The following NANP variants were observed in gnomAD, a reference collection of about 807,000 sequenced individuals.
The protein encoded by NANP is N-acylneuraminate-9-phosphatase.
NANP carries 15 observed loss-of-function variants against 16.9 expected under a neutral mutation model. The observed-to-expected ratio is 0.89, with a 90% confidence interval of 0.59 to 1.37. The LOEUF is 1.37. NANP is among the 40% of genes most tolerant of loss of function. NANP has a pLI of 0.00. For synonymous variants in NANP, 135 were observed against 112.6 expected, an observed-to-expected ratio of 1.20 and a Z score of -1.26; for missense variants, 290 against 303.5, an observed-to-expected ratio of 0.96 and a Z score of 0.33.
At chr20:25,619,900 G>T (rs1237476054) in intron 1 of NANP, among the ~76,000 whole-genome samples, 2 of 152,034 alleles carry the variant, frequency 1.3e-5, no homozygotes, top group East Asian at 3.9e-4. Flanking sequence ...ACATTCTTGG[G>T]GCTCTGAAAA....
At chr20:25,620,857 G>C (rs1195941566) in intron 1 of NANP, among the ~76,000 whole-genome samples, 1 of 151,990 alleles carries the variant, frequency 6.6e-6, no homozygotes, top group African/African-American at 2.4e-5. Flanking sequence ...AGGTAGCCAG[G>C]AGGAGGTTGC....
At chr20:25,623,779 G>A (rs2065378254) in intron 1 of NANP, 80 bp downstream of exon 1, 1 of 1,336,466 alleles carries the variant, frequency 7.5e-7, no homozygotes, top group South Asian at 1.3e-5. Flanking sequence ...GTGGAAGTGG[G>A]GTCAAGGGGA....
At chr20:25,623,404 T>C (rs553528113) in intron 1 of NANP, among the ~76,000 whole-genome samples, 1 of 152,162 alleles carries the variant, frequency 6.6e-6, no homozygotes, top group Non-Finnish European at 1.5e-5. Context: ...CCTTCTTGGG[T>C]CAACACTGGG....
In NANP at chr20:25,621,962, CAT is replaced by C. The variant is rs369723435; in HGVS notation, c.90+1895_90+1896del. 4.1e-3 allele frequency among the ~76,000 whole-genome samples: 617 copies of C among 152,312 alleles called. 5 individuals carry two copies. Among genetic ancestry groups the C allele is most frequent in the African/African-American group, 0.014 (595 of 41,560 alleles). On this transcript the variant is annotated intron_variant, in intron 1 of 1. Transcript: ENST00000304788. ...CATCCAGCATTTATTCAACATTTGCCATGTGTCAAACGAGGATAATTAAGACA... is the reference window on the plus strand; with the variant it reads ...CATCCAGCATTTATTCAACATTTGCCGTGTCAAACGAGGATAATTAAGACA...
chr20:25,616,424 G>C lies in NANP; in HGVS notation c.248C>G (p.Thr83Arg), dbSNP rs1260279172. ...TSHWEEAIQE[T>R]KGGAANRKLA... is the part of the protein sequence containing the mutation. ...TTTTCTATTGGCTGCACCACCTTTT[G>C]TTTCCTGGATTGCTTCTTCCCAATG... Residue 83 changes from threonine to arginine, a missense_variant, in exon 2 of 2, where the codon ACA (threonine) becomes AGA (arginine). Transcript: ENST00000304788. 6.2e-7 allele frequency: 1 copy of C among 1,613,974 alleles called. No homozygotes were observed. The highest frequency in any genetic ancestry group is 8.5e-7 in the Non-Finnish European group (1 of 1,180,020).
intron 1 of NANP, among the ~76,000 whole-genome samples, chr20:25,623,501 C>G (rs959020681): frequency 6.6e-6 from 1 of 152,236 alleles, no homozygotes; most frequent in African/African-American, 2.4e-5. Context: ...GACAGTCTGA[C>G]CGGGGGCGGG....
At position 25,621,541 on chromosome 20, in the gene NANP, C is replaced by T. The variant is rs371193345; in HGVS notation, c.90+2318G>A. ...GCCATAAATGGCTGGACCTTTCCCT[C>T]TTCCTCCATTCATAAATTATTATTA... On this transcript the variant is annotated intron_variant, in intron 1 of 1. Transcript: ENST00000304788. Among the ~76,000 whole-genome samples, 37 of 152,350 alleles carry T rather than the reference C, an allele frequency of 2.4e-4. No homozygotes were observed. In the South Asian group the frequency reaches 5.0e-3, roughly 20 times the overall value.
chr20:25,613,199 A>G lies in NANP; in HGVS notation c.*2726T>C, dbSNP rs1369681104. ...GTTACAGTGTTATCTAACACTATAA[A>G]TGTGTTAAAGAGGTTATGATAGAAA... On this transcript the variant is annotated 3_prime_UTR_variant, in exon 2 of 2. Coordinates refer to ENST00000304788, the MANE Select transcript of NANP (RefSeq NM_152667.3). 6.6e-6 allele frequency: 1 copy of G among 152,114 alleles called. No homozygotes were observed. Among genetic ancestry groups the G allele is most frequent in the Non-Finnish European group, 1.5e-5 (1 of 68,022 alleles). 9.4% of individuals were successfully genotyped at this position (152,114 alleles called of 1,614,324 possible). A position where few individuals can be genotyped will look rare whatever the true frequency, so the allele number is the denominator to read the frequency against.
At position 25,613,575 on chromosome 20, in the gene NANP, T is replaced by C; in HGVS notation, c.*2350A>G. ...GAATATTATTCTAAAACAAAAAATA[T>C]TAATAAAATCATAGGTTTATTCCAA... is the stretch of plus-strand genomic sequence containing the variant. On this transcript the variant is annotated 3_prime_UTR_variant, in exon 2 of 2. Transcript: ENST00000304788. The C allele has an allele frequency of 2.6e-6, 1 of 377,550 alleles. No homozygotes were observed. Among genetic ancestry groups the C allele is most frequent in the Non-Finnish European group, 4.7e-6 (1 of 214,134 alleles). The allele number at this position is 377,550 out of a possible 1,614,324, so 23.4% of individuals were successfully genotyped here. A position where few individuals can be genotyped will look rare whatever the true frequency, so the allele number is the denominator to read the frequency against.
chr20:25,618,735 G>A (rs1378641653), intron 1 of NANP, among the ~76,000 whole-genome samples: 1 of 152,126 alleles, frequency 6.6e-6, no homozygotes, highest in African/African-American at 2.4e-5. Context: ...CCCTTGGGGA[G>A]CAAAACTGAA....
rs2065331401 is a variant in NANP, at chr20:25,613,843, C to T, written c.*2082G>A. On this transcript the variant is annotated 3_prime_UTR_variant, in exon 2 of 2. Transcript: ENST00000304788. ...GCTACCATGATACAGGAGTGATGAA[C>T]CTTCACTCTCAGCATAATGAATGTG... 2.5e-6 allele frequency: 1 copy of T among 398,580 alleles called. No individual in the cohort carries two copies. The highest frequency in any genetic ancestry group is 4.4e-6 in the Non-Finnish European group (1 of 226,044). The allele number at this position is 398,580 out of a possible 1,614,324, so 24.7% of individuals were successfully genotyped here.
intron 1 of NANP, 58 bp downstream of exon 1, chr20:25,623,801 A>C (rs933494446): frequency 6.7e-7 from 1 of 1,502,248 alleles, no homozygotes; most frequent in Admixed American, 1.9e-5. Flanking sequence ...GTGAGCGTGC[A>C]GGACGGGGCG....
At position 25,615,908 on chromosome 20, in the gene NANP, A is replaced by G; in HGVS notation, c.*17T>C. On this transcript the variant is annotated 3_prime_UTR_variant, in exon 2 of 2. Coordinates refer to ENST00000304788, the MANE Select transcript of NANP (RefSeq NM_152667.3). ...CAAATTGATTCTAACATTCATAATCATGCCCTTTTATGTGCTTTAAGTGGA... is the reference window on the plus strand; with the variant it reads ...CAAATTGATTCTAACATTCATAATCGTGCCCTTTTATGTGCTTTAAGTGGA... The G allele has an allele frequency of 6.3e-7, 1 of 1,580,726 alleles. No individual in the cohort carries two copies. Among genetic ancestry groups the G allele is most frequent in the South Asian group, 1.2e-5 (1 of 85,346 alleles).
At chr20:25,620,876 G>A (rs1243651551) in intron 1 of NANP, among the ~76,000 whole-genome samples, 1 of 151,972 alleles carries the variant, frequency 6.6e-6, no homozygotes, top group Admixed American at 6.6e-5. Flanking sequence ...GCTGCAGGGA[G>A]GGTGCTAAGT....
At position 25,616,369 on chromosome 20, in the gene NANP, T is replaced by A; in HGVS notation, c.303A>T (p.Lys101Asn). 1 of 1,614,176 alleles carries A rather than the reference T, an allele frequency of 6.2e-7. No homozygotes were observed. Among genetic ancestry groups the A allele is most frequent in the Non-Finnish European group, 8.5e-7 (1 of 1,180,030 alleles). ...KLAEECYFLW[K>N]STRLQHMTLA... is the part of the protein sequence containing the mutation. ...GTGTCATATGCTGTAAACGTGTAGA[T>A]TTCCAAAGGAAATAACATTCTTCAG... Residue 101 changes from lysine to asparagine, a missense_variant, in exon 2 of 2, where the codon AAA becomes AAT. Transcript: ENST00000304788.
In NANP at chr20:25,621,195, A is replaced by G. The variant is rs1274139387; in HGVS notation, c.90+2664T>C. The stretch of plus-strand genomic sequence containing the variant: ...TATTTTTATTTCAAGTCTGTGCACA[A>G]ACATCACCTACTCGATGAGGCCAAA... On this transcript the variant is annotated intron_variant, in intron 1 of 1. Transcript: ENST00000304788. Among the ~76,000 whole-genome samples, 3 of 152,212 alleles carry G rather than the reference A, an allele frequency of 2.0e-5. No individual in the cohort carries two copies. In the East Asian group the frequency reaches 5.8e-4, roughly 29 times the overall value.
At position 25,623,866 on chromosome 20, in the gene NANP, A is replaced by G; in HGVS notation, c.83T>C (p.Met28Thr). The change falls in exon 1 of 2, where the codon ATG becomes ACG. Residue 28 changes from methionine (M) to threonine (T), a missense_variant. By Grantham distance (81) the Met-to-Thr change is moderately conservative. Transcript: ENST00000304788. ...IDTAGASRRGMLEVIKLLQSK... is the reference protein window; with the variant it reads ...IDTAGASRRGTLEVIKLLQSK... ...CATGGGTGGGGACGTTACCTCCAACATGCCTCTCCTGCTCGCCCCGGCCGT... is the reference window on the plus strand; with the variant it reads ...CATGGGTGGGGACGTTACCTCCAACGTGCCTCTCCTGCTCGCCCCGGCCGT... The G allele has an allele frequency of 1.2e-6, 2 of 1,613,328 alleles. No individual in the cohort carries two copies. The highest frequency in any genetic ancestry group is 1.7e-5 in the Admixed American group (1 of 59,996).
At chr20:25,616,604 A>G in intron 1 of NANP, 23 bp from the exon 2 acceptor site, 1 of 1,528,398 alleles carries the variant, frequency 6.5e-7, no homozygotes, top group Non-Finnish European at 8.8e-7. Context: ...AAATAACTCC[A>G]TTAACACATT....
In NANP at chr20:25,623,955, G is replaced by A. The variant is rs367763121; in HGVS notation, c.-7C>T. ...GCACGCGGCTCAGCCCCATAGCGCC[G>A]GCCGCTGGCGCGAACCGTAGCCTTG... On this transcript the variant is annotated 5_prime_UTR_variant, in exon 1 of 2. Transcript: ENST00000304788. 210 of 1,611,618 alleles carry A rather than the reference G, an allele frequency of 1.3e-4. No individual in the cohort carries two copies. The highest frequency in any genetic ancestry group is 4.4e-4 in the South Asian group (40 of 90,952).
Sources: gnomAD v4.1 joint callset for allele counts (sites outside exome capture counted in the v4.1 genomes callset) on GRCh38, gnomAD v4.1.1 for gene constraint, MANE v1.5 for transcripts, NCBI Gene and HGNC (gene_info 2026-07-23, HGNC 2026-07-21) for gene names.